The following PCSK6 variants were observed in gnomAD, a reference collection of about 807,000 sequenced individuals.
PCSK6 encodes paired basic amino acid cleaving enzyme 4.
Under a neutral mutation model 123.3 loss-of-function variants are expected in PCSK6, and 85 were observed. That is an observed-to-expected ratio of 0.69 (90% CI 0.58 to 0.83). The LOEUF (loss-of-function observed/expected upper bound fraction) is 0.83, where lower values mean the gene tolerates loss of function less well. Among genes scored for constraint, PCSK6 ranks in the 40% least tolerant of loss-of-function variants. PCSK6 has a pLI of 0.00. For synonymous variants in PCSK6, 508 were observed against 516.0 expected (o/e 0.98, Z 0.21); for missense variants, 1,191 against 1,282.3 (o/e 0.93, Z 1.09).
intron 1 of PCSK6, among the ~76,000 whole-genome samples, chr15:101,474,283 C>G (rs564486389): frequency 1.3e-5 from 2 of 152,308 alleles, no homozygotes; most frequent in African/African-American, 4.8e-5. Flanking sequence ...CTCAGACAGA[C>G]ACACCTAAAT....
chr15:101,477,754 C>T (rs780036140), intron 1 of PCSK6, among the ~76,000 whole-genome samples: 5 of 152,220 alleles, frequency 3.3e-5, no homozygotes, highest in Non-Finnish European at 5.9e-5. Context: ...CTCTTCTCTC[C>T]TCTTGGGATC....
At chr15:101,366,354 C>G (rs1006455632) in intron 12 of PCSK6, 22 bp from the exon 13 acceptor site, 2 of 1,607,398 alleles carry the variant, frequency 1.2e-6, no homozygotes, top group Non-Finnish European at 1.7e-6. Flanking sequence ...GGTGTGGTGT[C>G]AGAAATGAAG....
intron 13 of PCSK6, among the ~76,000 whole-genome samples, chr15:101,352,349 G>A (rs868729574): frequency 6.7e-4 from 102 of 151,834 alleles, no homozygotes; most frequent in Non-Finnish European, 1.1e-3. Flanking sequence ...GGGTTTCACC[G>A]TGTTAGCCAG....
intron 13 of PCSK6, among the ~76,000 whole-genome samples, chr15:101,338,716 G>T (rs539936157): frequency 6.6e-6 from 1 of 152,296 alleles, no homozygotes; most frequent in South Asian, 2.1e-4. Flanking sequence ...CTAAAAGGAG[G>T]GGGTCTTAAA....
At chr15:101,317,781 G>A (rs1212664120) in intron 19 of PCSK6, among the ~76,000 whole-genome samples, 3 of 152,176 alleles carry the variant, frequency 2.0e-5, no homozygotes, top group African/African-American at 4.8e-5. Context: ...CTCAGGCTGC[G>A]TGTTCAAAGT....
At chr15:101,436,682 C>T (rs1396965552) in intron 2 of PCSK6, among the ~76,000 whole-genome samples, 2 of 152,128 alleles carry the variant, frequency 1.3e-5, no homozygotes, top group Non-Finnish European at 2.9e-5. Context: ...CCTGCCTGGG[C>T]CTCTCCCTCC....
At chr15:101,434,036 C>T (rs187341378) in intron 2 of PCSK6, among the ~76,000 whole-genome samples, 7 of 152,274 alleles carry the variant, frequency 4.6e-5, no homozygotes, top group African/African-American at 7.2e-5. Flanking sequence ...TTATAATGGC[C>T]GCTGACAGAT....
chr15:101,481,654 T>C (rs2057888038), intron 1 of PCSK6, among the ~76,000 whole-genome samples: 1 of 151,974 alleles, frequency 6.6e-6, no homozygotes, highest in Admixed American at 6.6e-5. Context: ...TGAGACAGGC[T>C]TGGGGGAGCA....
intron 1 of PCSK6, among the ~76,000 whole-genome samples, chr15:101,464,629 GTC>G (rs2141215640): frequency 6.6e-6 from 1 of 152,242 alleles, no homozygotes; most frequent in East Asian, 1.9e-4. Flanking sequence ...TTCTAACAAG[GTC>G]CCAAATGTAG....
intron 11 of PCSK6, among the ~76,000 whole-genome samples, chr15:101,376,316 C>T (rs1262051103): frequency 6.6e-6 from 1 of 152,160 alleles, no homozygotes; most frequent in African/African-American, 2.4e-5. Context: ...AGTGCTGAAA[C>T]ACTGTCTAGT....
intron 6 of PCSK6, among the ~76,000 whole-genome samples, chr15:101,417,841 G>A (rs115427258): frequency 0.016 from 2,414 of 150,438 alleles, 63 homozygotes; most frequent in African/African-American, 0.054. Context: ...GCAAAAGCCT[G>A]TTTTTTTTTA....
At chr15:101,465,014 G>A (rs1213572568) in intron 1 of PCSK6, among the ~76,000 whole-genome samples, 1 of 152,188 alleles carries the variant, frequency 6.6e-6, no homozygotes, top group Non-Finnish European at 1.5e-5. Context: ...ATGAAAAAGA[G>A]GGCAAGCCTG....
chr15:101,469,960 G>A (rs979043857), intron 1 of PCSK6, among the ~76,000 whole-genome samples: 6 of 152,178 alleles, frequency 3.9e-5, no homozygotes, highest in African/African-American at 7.2e-5. Context: ...GATAATCGCC[G>A]TGATGATATC....
chr15:101,345,558 C>G (rs545982052), intron 13 of PCSK6, among the ~76,000 whole-genome samples: 4 of 152,170 alleles, frequency 2.6e-5, no homozygotes, highest in Non-Finnish European at 2.9e-5. Context: ...ATATGAATTA[C>G]GACACACACA....
intron 13 of PCSK6, among the ~76,000 whole-genome samples, chr15:101,357,632 C>T (rs2041082244): frequency 6.6e-6 from 1 of 152,264 alleles, no homozygotes; most frequent in South Asian, 2.1e-4. Context: ...GATGAGAAGC[C>T]TCGGCCAGCG....
chr15:101,328,737 C>T (rs1011019466), intron 15 of PCSK6, among the ~76,000 whole-genome samples: 4 of 152,302 alleles, frequency 2.6e-5, no homozygotes, highest in Admixed American at 2.6e-4. Flanking sequence ...TGAGGTCACC[C>T]ACCGGTCAGG....
intron 13 of PCSK6, among the ~76,000 whole-genome samples, chr15:101,339,892 A>G (rs959141280): frequency 6.7e-6 from 1 of 148,602 alleles, no homozygotes; most frequent in Non-Finnish European, 1.5e-5. Flanking sequence ...CCTGGGTGAC[A>G]GAGCAAGACC....
intron 6 of PCSK6, among the ~76,000 whole-genome samples, chr15:101,423,783 C>A (rs1170398912): frequency 3.9e-5 from 6 of 151,910 alleles, no homozygotes; most frequent in Non-Finnish European, 8.8e-5. Flanking sequence ...GAAATATTGA[C>A]AATTTTTTTT....
At chr15:101,471,584 T>A (rs2057605461) in intron 1 of PCSK6, among the ~76,000 whole-genome samples, 1 of 152,198 alleles carries the variant, frequency 6.6e-6, no homozygotes, top group East Asian at 1.9e-4. Flanking sequence ...ACAACATACA[T>A]CTCCCTAAAG....
Sources: allele counts gnomAD v4.1 joint callset (sites outside exome capture counted in the v4.1 genomes callset), GRCh38; gene constraint gnomAD v4.1.1; transcripts MANE v1.5; gene names NCBI Gene and HGNC (gene_info 2026-07-23, HGNC 2026-07-21).